Variants in MYLK3 observed in about 807,000 individuals in gnomAD.
MYLK3 encodes the protein MLC kinase.
Under a neutral mutation model 76.3 loss-of-function variants are expected in MYLK3, and 55 were observed. The observed-to-expected ratio is 0.72, with a 90% CI of 0.58 to 0.90. MYLK3 has a LOEUF of 0.90. Among genes scored for constraint, MYLK3 ranks in the 40% least tolerant of loss-of-function variants. MYLK3 has a pLI of 0.00. For synonymous variants in MYLK3, 416 were observed against 425.4 expected (o/e 0.98, Z 0.27); for missense variants, 973 against 1,053.6 (o/e 0.92, Z 1.06).
At chr16:46,746,001 G>A (rs1967014936) in intron 1 of MYLK3, among the ~76,000 whole-genome samples, 1 of 151,968 alleles carries the variant, frequency 6.6e-6, no homozygotes, top group Admixed American at 6.6e-5. Context: ...TTTTTACTAT[G>A]TGCATATTAA....
chr16:46,748,939 G>A (rs1451457271), upstream of MYLK3, among the ~76,000 whole-genome samples: 5 of 152,140 alleles, frequency 3.3e-5, no homozygotes, highest in South Asian at 6.2e-4. The surrounding 1 kb of genome is among the most constrained non-coding windows in gnomAD (Gnocchi z 4.3). Context: ...CCTGCCAAGC[G>A]CTGTCCCGAG....
intron 3 of MYLK3, among the ~76,000 whole-genome samples, chr16:46,734,066 C>T (rs759724844): frequency 1.3e-5 from 2 of 152,112 alleles, no homozygotes; most frequent in Non-Finnish European, 2.9e-5. Flanking sequence ...GGTATATATC[C>T]CAGAGAATCC....
intron 4 of MYLK3, among the ~76,000 whole-genome samples, chr16:46,731,639 A>T (rs1269892185): frequency 1.3e-5 from 2 of 152,182 alleles, no homozygotes; most frequent in Non-Finnish European, 2.9e-5. Flanking sequence ...CTTTTAGATC[A>T]TAAGAACACA....
chr16:46,711,644 G>A, intron 10 of MYLK3: 1 of 441,282 alleles, frequency 2.3e-6, no homozygotes, highest in South Asian at 1.6e-5. Context: ...CCAAAGTGCT[G>A]GGATTATAGG....
chr16:46,710,802 G>C lies in MYLK3; in HGVS notation c.2115-13C>G. On this transcript the variant is annotated splice_polypyrimidine_tract_variant and intron_variant, in intron 10 of 12. Coordinates refer to ENST00000394809, the MANE Select transcript of MYLK3 (RefSeq NM_182493.3). ...CAAGCCACTGAGTCTATAGAAGAGA[G>C]AAAGGACCATCAGTAGGTGGAGGCC... The C allele has an allele frequency of 6.2e-7, 1 of 1,613,988 alleles. No homozygotes were observed. The highest frequency in any genetic ancestry group is 8.5e-7 in the Non-Finnish European group (1 of 1,180,016).
intron 1 of MYLK3, among the ~76,000 whole-genome samples, chr16:46,745,139 C>T (rs530813327): frequency 6.6e-6 from 1 of 152,198 alleles, no homozygotes. Context: ...GGCTGACTTG[C>T]CTTTATCTGT....
intron 1 of MYLK3, among the ~76,000 whole-genome samples, chr16:46,758,087 G>A (rs1422843723): frequency 1.3e-5 from 2 of 152,004 alleles, no homozygotes. Flanking sequence ...GCAGCAAAGA[G>A]GCACAGAGTC....
At chr16:46,758,462 A>G (rs1967235031) in intron 1 of MYLK3, among the ~76,000 whole-genome samples, 2 of 152,142 alleles carry the variant, frequency 1.3e-5, no homozygotes, top group African/African-American at 4.8e-5. Flanking sequence ...CTTATTTGAG[A>G]CACACTGCAG....
At chr16:46,727,469 G>T in intron 7 of MYLK3, 92 bp from the exon 8 acceptor site, 1 of 1,407,424 alleles carries the variant, frequency 7.1e-7, no homozygotes, top group Non-Finnish European at 9.5e-7. Flanking sequence ...AGGCCAGCCC[G>T]GGTAGGCCCA....
At chr16:46,756,969 T>C (rs1175058918) in intron 1 of MYLK3, among the ~76,000 whole-genome samples, 5 of 152,108 alleles carry the variant, frequency 3.3e-5, no homozygotes, top group Admixed American at 3.3e-4. Flanking sequence ...CACTTCATTG[T>C]GGGGTGAGGG....
In MYLK3 at chr16:46,758,791, C is replaced by T. The variant is rs59353519; in HGVS notation, c.-114+4249G>A. Among the ~76,000 whole-genome samples, 1,219 of 152,240 alleles carry T rather than the reference C, an allele frequency of 8.0e-3. 19 individuals are homozygous for T. Among genetic ancestry groups the T allele is most frequent in the African/African-American group, 0.027 (1,134 of 41,534 alleles). On this transcript the variant is annotated intron_variant, in intron 1 of 11. Transcript: ENST00000536476. ...TTGCCCTTGTAATGACCTGGAACTCCCTGGCTCTGTGGGTTGAGAGGTGTG... is the reference window on the plus strand; with the variant it reads ...TTGCCCTTGTAATGACCTGGAACTCTCTGGCTCTGTGGGTTGAGAGGTGTG...
intron 1 of MYLK3, among the ~76,000 whole-genome samples, chr16:46,761,061 G>A (rs1379951807): frequency 6.6e-6 from 1 of 152,162 alleles, no homozygotes; most frequent in Non-Finnish European, 1.5e-5. Flanking sequence ...GCATGTAAGA[G>A]GGAGGCAAAA....
chr16:46,737,589 C>T, intron 3 of MYLK3, 122 bp downstream of exon 3: 2 of 963,214 alleles, frequency 2.1e-6, no homozygotes, highest in East Asian at 2.6e-5. Flanking sequence ...AGGCCTCCTC[C>T]CCATTCCCCT....
chr16:46,719,152 C>A (rs1178354170), intron 9 of MYLK3, among the ~76,000 whole-genome samples: 1 of 151,966 alleles, frequency 6.6e-6, no homozygotes, highest in Non-Finnish European at 1.5e-5. Flanking sequence ...CATGGTGAAA[C>A]CCCGTCTCTA....
chr16:46,751,633 C>T (rs1185413195), upstream of MYLK3, among the ~76,000 whole-genome samples: 2 of 152,110 alleles, frequency 1.3e-5, no homozygotes, highest in Non-Finnish European at 2.9e-5. Context: ...CAGCAGGCGG[C>T]TGAGCAGACC....
intron 1 of MYLK3, among the ~76,000 whole-genome samples, chr16:46,740,599 T>G (rs989889011): frequency 6.8e-6 from 1 of 147,802 alleles, no homozygotes; most frequent in Non-Finnish European, 1.5e-5. Context: ...TCATCCAGGC[T>G]GCAGTGCAGT....
Position 46,754,570 on chromosome 16 carries a change from C to T in MYLK3, c.-114+8470G>A, listed in dbSNP as rs116569155. Among the ~76,000 whole-genome samples, 1,209 of 152,306 alleles carry T rather than the reference C, an allele frequency of 7.9e-3. 19 individuals carry two copies. Among genetic ancestry groups the T allele is most frequent in the African/African-American group, 0.028 (1,145 of 41,556 alleles). On this transcript the variant is annotated intron_variant, in intron 1 of 11. Coordinates refer to the MYLK3 transcript ENST00000536476. The stretch of plus-strand genomic sequence containing the variant: ...TACCCTGGGCCACCTCTGGACTCTA[C>T]AGAGAGGGCCCACCAGCAAGAAGGT...
At chr16:46,735,683 C>T (rs147422525) in intron 3 of MYLK3, among the ~76,000 whole-genome samples, 1 of 152,216 alleles carries the variant, frequency 6.6e-6, no homozygotes, top group Non-Finnish European at 1.5e-5. Context: ...GGGCATGGTT[C>T]GGTAATGACA....
rs149298918 is a variant in MYLK3, at chr16:46,704,720, T to C, written c.*2984A>G. ...TTTTAATTATGTGTATAGCCTGTAC[T>C]ATATTTTTGTTGGGCAGTGCTGCTC... On this transcript the variant is annotated 3_prime_UTR_variant, in exon 13 of 13. Coordinates refer to ENST00000394809, the MANE Select transcript of MYLK3 (RefSeq NM_182493.3). 2.6e-5 allele frequency: 4 copies of C among 152,236 alleles called. No individual in the cohort carries two copies. The highest frequency in any genetic ancestry group is 4.8e-5 in the African/African-American group (2 of 41,462). The allele number at this position is 152,236 out of a possible 1,614,324, so 9.4% of individuals were successfully genotyped here. A position where few individuals can be genotyped will look rare whatever the true frequency, so the allele number is the denominator to read the frequency against.
Sources: allele counts gnomAD v4.1 joint callset (sites outside exome capture counted in the v4.1 genomes callset), GRCh38; gene constraint gnomAD v4.1.1; non-coding constraint Gnocchi (gnomAD v3.1); transcripts MANE v1.5; gene names NCBI Gene and HGNC (gene_info 2026-07-23, HGNC 2026-07-21).